ATRNL1: variants seen among roughly 807,000 people sequenced by gnomAD.
ATRNL1 encodes the protein attractin like 1, also known as attractin-like protein 1.
ATRNL1 carries 95 observed loss-of-function variants against 182.7 expected under a neutral mutation model. The observed-to-expected ratio is 0.52, with a 90% CI of 0.44 to 0.62. The LOEUF is 0.62. ATRNL1 is among the 20% of genes least tolerant of loss of function. The pLI, the probability that ATRNL1 is intolerant of heterozygous loss-of-function variation, is 0.00. For synonymous variants in ATRNL1, 576 were observed against 568.3 expected (o/e 1.01, Z -0.19); for missense variants, 1,471 against 1,679.5 (o/e 0.88, Z 2.17).
At chr10:115,668,164 C>G (rs1444275804) in intron 26 of ATRNL1, among the ~76,000 whole-genome samples, 1 of 152,100 alleles carries the variant, frequency 6.6e-6, no homozygotes, top group Non-Finnish European at 1.5e-5. Flanking sequence ...TTGGTAACCA[C>G]TTGTTCCCCT....
At chr10:115,292,585 A>C (rs1852972754) in intron 15 of ATRNL1, among the ~76,000 whole-genome samples, 1 of 151,942 alleles carries the variant, frequency 6.6e-6, no homozygotes, top group Non-Finnish European at 1.5e-5. Flanking sequence ...AGTCTCAAGT[A>C]ATTTTTAAAT....
chr10:115,629,570 A>C (rs2133825834), intron 26 of ATRNL1, among the ~76,000 whole-genome samples: 1 of 152,264 alleles, frequency 6.6e-6, no homozygotes, highest in South Asian at 2.1e-4. Flanking sequence ...CTTCCCAGTG[A>C]AAATAAATGA....
chr10:115,205,075 G>T (rs781958061), intron 8 of ATRNL1, among the ~76,000 whole-genome samples: 1 of 151,854 alleles, frequency 6.6e-6, no homozygotes. Flanking sequence ...TTGGTGTGAC[G>T]ATTTATATAT....
At chr10:115,831,798 G>A (rs1197464955) in intron 27 of ATRNL1, among the ~76,000 whole-genome samples, 1 of 149,214 alleles carries the variant, frequency 6.7e-6, no homozygotes, top group African/African-American at 2.5e-5. Flanking sequence ...TTTTTAAAAA[G>A]CTTTGTCAAT....
intron 10 of ATRNL1, among the ~76,000 whole-genome samples, chr10:115,250,496 T>G (rs908801088): frequency 4.6e-5 from 7 of 152,128 alleles, no homozygotes; most frequent in Non-Finnish European, 8.8e-5. Flanking sequence ...GCATGCAGGG[T>G]AGACTTCACT....
intron 7 of ATRNL1, 94 bp downstream of exon 7, chr10:115,165,739 T>TA: frequency 3.5e-6 from 2 of 576,448 alleles, no homozygotes; most frequent in Admixed American, 6.1e-5. Flanking sequence ...ATTTCAAATA[T>TA]TTAATGAGAA....
chr10:115,370,910 A>AT (rs1463995949), intron 19 of ATRNL1, among the ~76,000 whole-genome samples: 2 of 152,052 alleles, frequency 1.3e-5, no homozygotes, highest in East Asian at 3.9e-4. Context: ...GGAGGAAAAC[A>AT]TTTTTTGTAG....
intron 26 of ATRNL1, among the ~76,000 whole-genome samples, chr10:115,645,531 TGG>T (rs1859552364): frequency 6.7e-6 from 1 of 149,592 alleles, no homozygotes; most frequent in Non-Finnish European, 1.5e-5. Context: ...TATATCCCTC[TGG>T]ATATTTCTCC....
chr10:115,199,901 G>C (rs1213028129), intron 8 of ATRNL1, among the ~76,000 whole-genome samples: 1 of 152,154 alleles, frequency 6.6e-6, no homozygotes, highest in Non-Finnish European at 1.5e-5. Flanking sequence ...GAGACATCTA[G>C]AAGTCATCTC....
intron 27 of ATRNL1, among the ~76,000 whole-genome samples, chr10:115,813,864 TTTAA>T (rs1413680938): frequency 7.2e-5 from 11 of 152,184 alleles, no homozygotes; most frequent in African/African-American, 2.2e-4. Flanking sequence ...TTATTTCTCC[TTTAA>T]TTAAGTTTGT....
chr10:115,582,834 G>T (rs1322248800), intron 26 of ATRNL1, among the ~76,000 whole-genome samples: 2 of 151,124 alleles, frequency 1.3e-5, no homozygotes, highest in Admixed American at 6.6e-5. Context: ...CCTATGTCCT[G>T]AATGGTAAAG....
At chr10:115,411,101 T>A (rs989322595) in intron 20 of ATRNL1, among the ~76,000 whole-genome samples, 3 of 152,062 alleles carry the variant, frequency 2.0e-5, no homozygotes, top group Non-Finnish European at 4.4e-5. Flanking sequence ...TTTTAAATAA[T>A]CTGTAATATT....
chr10:115,283,145 G>A (rs1214976075), intron 14 of ATRNL1, among the ~76,000 whole-genome samples: 6 of 152,122 alleles, frequency 3.9e-5, no homozygotes, highest in South Asian at 2.1e-4. Flanking sequence ...CAGGTACGGT[G>A]TCTCACACCT....
At chr10:115,139,949 A>G (rs782372975) in intron 5 of ATRNL1, among the ~76,000 whole-genome samples, 2 of 152,196 alleles carry the variant, frequency 1.3e-5, no homozygotes, top group Non-Finnish European at 2.9e-5. Context: ...TATTGTTGGA[A>G]AGAGGCCAGA....
chr10:115,552,347 G>A (rs1222544962), intron 26 of ATRNL1, among the ~76,000 whole-genome samples: 2 of 151,278 alleles, frequency 1.3e-5, no homozygotes, highest in African/African-American at 4.8e-5. Context: ...TTCTTTATGT[G>A]AATGTTACTG....
intron 8 of ATRNL1, among the ~76,000 whole-genome samples, chr10:115,185,825 A>G (rs76942484): frequency 0.016 from 2,412 of 152,178 alleles, 52 homozygotes; most frequent in African/African-American, 0.054. Flanking sequence ...CAAAATTAAC[A>G]TCACAAACTA....
At chr10:115,116,108 C>G (rs150822438) in intron 1 of ATRNL1, among the ~76,000 whole-genome samples, 1 of 152,188 alleles carries the variant, frequency 6.6e-6, no homozygotes, top group Non-Finnish European at 1.5e-5. Context: ...TGCCAGTACT[C>G]AACTCTGTCC....
intron 11 of ATRNL1, among the ~76,000 whole-genome samples, 161 bp from the exon 12 acceptor site, chr10:115,266,636 C>T (rs1851620101): frequency 6.6e-6 from 1 of 151,584 alleles, no homozygotes; most frequent in South Asian, 2.1e-4. Flanking sequence ...GTTTTTATAT[C>T]ATATTGTATG....
chr10:115,525,805 C>G (rs1428310599), intron 25 of ATRNL1, among the ~76,000 whole-genome samples: 2 of 152,078 alleles, frequency 1.3e-5, no homozygotes, highest in African/African-American at 2.4e-5. Context: ...AAATATGCAC[C>G]AAAACCAATG....
Sources: gnomAD v4.1 joint callset for allele counts (sites outside exome capture counted in the v4.1 genomes callset) on GRCh38, gnomAD v4.1.1 for gene constraint, MANE v1.5 for transcripts, NCBI Gene and HGNC (gene_info 2026-07-23, HGNC 2026-07-21) for gene names.